The following NPR3 variants were observed in gnomAD, a reference collection of about 807,000 sequenced individuals.
NPR3 encodes the protein natriuretic peptide receptor 3, also known as atrial natriuretic peptide receptor 3.
A neutral mutation model predicts 54.5 loss-of-function variants in NPR3; 34 were observed. That is an observed-to-expected ratio of 0.62 (90% CI 0.47 to 0.83). NPR3 has a LOEUF of 0.83. Ranked by LOEUF, NPR3 falls within the 40% of genes least tolerant of loss-of-function variation. The probability of loss-of-function intolerance (pLI) is 0.00; values close to 1 mark genes in which losing one functional copy is unlikely to be tolerated. For synonymous variants in NPR3, 289 were observed against 297.1 expected (o/e 0.97, Z 0.28); for missense variants, 674 against 720.8 (o/e 0.94, Z 0.74).
intron 2 of NPR3, among the ~76,000 whole-genome samples, chr5:32,727,163 G>A (rs1202488648): frequency 6.6e-6 from 1 of 152,194 alleles, no homozygotes; most frequent in African/African-American, 2.4e-5. Flanking sequence ...ATCTCACCCT[G>A]TTGCCCAGGC....
intron 2 of NPR3, among the ~76,000 whole-genome samples, chr5:32,728,829 GTGTGTGTGTATATATATATATATATA>G (rs1311648052): frequency 6.6e-5 from 5 of 76,196 alleles, no homozygotes; most frequent in South Asian, 4.7e-4. Flanking sequence ...GTGTGTGTGT[GTGTGTGTGTATATATATATATATATA>G]TATATATATA....
In NPR3 at chr5:32,702,218, G is replaced by A. The variant is rs1047427633; in HGVS notation, c.100+13032G>A. Among the ~76,000 whole-genome samples, 6 of 151,950 alleles carry A rather than the reference G, an allele frequency of 3.9e-5. 1 individual carries two copies. The highest frequency in any genetic ancestry group is 2.1e-4 in the South Asian group (1 of 4,780). On this transcript the variant is annotated intron_variant, in intron 1 of 5. Coordinates refer to the NPR3 transcript ENST00000509104. ...TCTACCTGGCGCACTAGTCTACTGC[G>A]GCTGAGCTGGTACCCAAGCCACATA...
At chr5:32,770,326 G>T (rs141839737) in intron 3 of NPR3, among the ~76,000 whole-genome samples, 143 of 152,120 alleles carry the variant, frequency 9.4e-4, no homozygotes, top group Non-Finnish European at 1.1e-3. Flanking sequence ...GCTACTTGTG[G>T]GGTTGAGGCA....
chr5:32,784,982 AC>A lies in NPR3; in HGVS notation c.1514+102del, dbSNP rs1742533766. On this transcript the variant is annotated intron_variant, in intron 7 of 7. Transcript: ENST00000265074. ...TGTGATTTGTCCACATCCCTCTTTC[AC>A]CCAGGAAGCACGGTGGTTAAAAAAT... 4.8e-5 allele frequency: 47 copies of A among 976,616 alleles called. 2 individuals carry two copies. In the South Asian group the frequency reaches 6.1e-4, roughly 13 times the overall value. 60.5% of individuals were successfully genotyped at this position (976,616 alleles called of 1,614,324 possible).
chr5:32,703,109 C>G lies in NPR3; in HGVS notation c.100+13923C>G, dbSNP rs148879317. ...GAATCTCTCCATATGGTCATCACCACTTCAGGATTATGATGAGTACTTCCT... is the reference window on the plus strand; with the variant it reads ...GAATCTCTCCATATGGTCATCACCAGTTCAGGATTATGATGAGTACTTCCT... On this transcript the variant is annotated intron_variant, in intron 1 of 5. Coordinates refer to the NPR3 transcript ENST00000509104. 4.8e-3 allele frequency among the ~76,000 whole-genome samples: 733 copies of G among 152,260 alleles called. 3 individuals carry two copies. Among genetic ancestry groups the G allele is most frequent in the Non-Finnish European group, 7.5e-3 (512 of 68,020 alleles).
chr5:32,787,809 G>C lies in NPR3; in HGVS notation c.*1464G>C, dbSNP rs929597983. 2 of 152,202 alleles carry C rather than the reference G, an allele frequency of 1.3e-5. No homozygotes were observed. The highest frequency in any genetic ancestry group is 2.9e-5 in the Non-Finnish European group (2 of 68,038). The allele number at this position is 152,202 out of a possible 1,614,324, so 9.4% of individuals were successfully genotyped here. A position where few individuals can be genotyped will look rare whatever the true frequency, so the allele number is the denominator to read the frequency against. ...TATGGAGAAGATAGACAGTGAGGGAGGAATGGGAAGCTGTCATGAGAGTGC... is the reference window on the plus strand; with the variant it reads ...TATGGAGAAGATAGACAGTGAGGGACGAATGGGAAGCTGTCATGAGAGTGC... On this transcript the variant is annotated 3_prime_UTR_variant, in exon 8 of 8. Transcript: ENST00000265074.
chr5:32,789,787 G>A lies in NPR3; in HGVS notation c.*3442G>A, dbSNP rs778436817. On this transcript the variant is annotated 3_prime_UTR_variant, in exon 8 of 8. Transcript: ENST00000265074. The stretch of plus-strand genomic sequence containing the variant: ...GCATAGATCTCATGCAGATAGTGAT[G>A]GATTCAGAAAGTAGGTTCCAGTGGC... 1.9e-6 allele frequency: 1 copy of A among 515,598 alleles called. No homozygotes were observed. Among genetic ancestry groups the A allele is most frequent in the Admixed American group, 2.1e-5 (1 of 48,718 alleles). 31.9% of individuals were successfully genotyped at this position (515,598 alleles called of 1,614,324 possible). A position where few individuals can be genotyped will look rare whatever the true frequency, so the allele number is the denominator to read the frequency against.
At chr5:32,722,179 A>G (rs1738900567) in intron 1 of NPR3, among the ~76,000 whole-genome samples, 1 of 152,180 alleles carries the variant, frequency 6.6e-6, no homozygotes, top group Non-Finnish European at 1.5e-5. Flanking sequence ...TGTTTAGGGA[A>G]ACTTCAGGCA....
Position 32,788,635 on chromosome 5 carries a change from T to C in NPR3, c.*2290T>C, listed in dbSNP as rs371413734. 3.3e-5 allele frequency: 5 copies of C among 152,172 alleles called. No individual in the cohort carries two copies. In the East Asian group the frequency reaches 5.8e-4, roughly 18 times the overall value. The allele number at this position is 152,172 out of a possible 1,614,324, so 9.4% of individuals were successfully genotyped here. On this transcript the variant is annotated 3_prime_UTR_variant, in exon 8 of 8. Coordinates refer to ENST00000265074, the MANE Select transcript of NPR3 (RefSeq NM_001204375.2). ...TTTTTAAAACTTCTATAGCAGCCCA[T>C]TAACACTAACATTTTTAGAGCAAAT...
Position 32,724,793 on chromosome 5 carries a change from A to G in NPR3, c.865A>G (p.Ile289Val), listed in dbSNP as rs1403606907. 6.2e-7 allele frequency: 1 copy of G among 1,613,870 alleles called. No individual in the cohort carries two copies. The highest frequency in any genetic ancestry group is 1.6e-4 in the Middle Eastern group (1 of 6,062). The change falls in exon 2 of 8, where the codon ATT (isoleucine) becomes GTT (valine). Residue 289 changes from isoleucine (I) to valine (V), a missense_variant. By Grantham distance (29) the Ile-to-Val change is conservative (BLOSUM62 3). Transcript: ENST00000265074. ...CAGTGGAGACTACGCCTTCTTCAACATTGAGCTCTTCAACAGCTCTTCCTA... is the reference window on the plus strand; with the variant it reads ...CAGTGGAGACTACGCCTTCTTCAACGTTGAGCTCTTCAACAGCTCTTCCTA... ...MTSGDYAFFN[I>V]ELFNSSSYGD... is the part of the protein sequence containing the mutation.
At chr5:32,736,377 T>C (rs1238820378) in intron 2 of NPR3, among the ~76,000 whole-genome samples, 4 of 152,178 alleles carry the variant, frequency 2.6e-5, no homozygotes, top group Admixed American at 6.5e-5. Flanking sequence ...CGTGAGATAG[T>C]TGCAGTTTCT....
intron 3 of NPR3, among the ~76,000 whole-genome samples, chr5:32,771,744 C>T (rs1039044654): frequency 2.0e-5 from 3 of 152,140 alleles, no homozygotes; most frequent in Admixed American, 1.3e-4. Context: ...AAGTAGCTTG[C>T]AGGGCACAAC....
intron 3 of NPR3, among the ~76,000 whole-genome samples, chr5:32,770,390 A>G (rs779485552): frequency 6.6e-6 from 1 of 152,030 alleles, no homozygotes; most frequent in Non-Finnish European, 1.5e-5. Context: ...AGATTGCACC[A>G]CTGCACTCCA....
At chr5:32,717,408 G>T (rs1738616130) in intron 1 of NPR3, among the ~76,000 whole-genome samples, 1 of 152,162 alleles carries the variant, frequency 6.6e-6, no homozygotes, top group Non-Finnish European at 1.5e-5. Flanking sequence ...TCTAGTTCTA[G>T]ATCCTTGAGG....
At chr5:32,772,963 C>T (rs981994164) in intron 3 of NPR3, among the ~76,000 whole-genome samples, 9 of 152,140 alleles carry the variant, frequency 5.9e-5, no homozygotes, top group Non-Finnish European at 1.3e-4. Context: ...TATCTGCTTC[C>T]GGGATGCAAA....
At chr5:32,700,176 T>A (rs530760979) in intron 1 of NPR3, among the ~76,000 whole-genome samples, 36 of 152,302 alleles carry the variant, frequency 2.4e-4, no homozygotes, top group Non-Finnish European at 4.6e-4. Context: ...CTCAAGTTCT[T>A]TTTTGGGTTA....
At chr5:32,762,618 G>A (rs1561119002) in intron 3 of NPR3, among the ~76,000 whole-genome samples, 1 of 151,766 alleles carries the variant, frequency 6.6e-6, no homozygotes, top group Non-Finnish European at 1.5e-5. Flanking sequence ...ATATCCTTCT[G>A]TCATATCCTT....
chr5:32,696,512 T>C (rs2111809976), intron 1 of NPR3, among the ~76,000 whole-genome samples: 1 of 152,242 alleles, frequency 6.6e-6, no homozygotes, highest in Non-Finnish European at 1.5e-5. Context: ...ATATAAACTT[T>C]AGAATTGTTT....
rs1222562538 is a variant in NPR3 at position 32,790,078 on chromosome 5, A to G, written c.*3733A>G. On this transcript the variant is annotated 3_prime_UTR_variant, in exon 8 of 8. Coordinates refer to ENST00000265074, the MANE Select transcript of NPR3 (RefSeq NM_001204375.2). ...TTGGGGCTACATGAGGAAGTTGGTA[A>G]TGAGCTGAATTTCTTATTCAGTGGA... 5.2e-6 allele frequency: 1 copy of G among 194,158 alleles called. No individual in the cohort carries two copies. Among genetic ancestry groups the G allele is most frequent in the Admixed American group, 5.4e-5 (1 of 18,442 alleles). The allele number at this position is 194,158 out of a possible 1,614,324, so 12.0% of individuals were successfully genotyped here. A position where few individuals can be genotyped will look rare whatever the true frequency, so the allele number is the denominator to read the frequency against.
Sources: gnomAD v4.1 joint callset for allele counts (sites outside exome capture counted in the v4.1 genomes callset) on GRCh38, gnomAD v4.1.1 for gene constraint, MANE v1.5 for transcripts, NCBI Gene and HGNC (gene_info 2026-07-23, HGNC 2026-07-21) for gene names.